ARHGAP27: variants seen among roughly 807,000 people sequenced by gnomAD.
ARHGAP27 encodes the protein rho GTPase-activating protein 27.
In ARHGAP27, 53 loss-of-function variants were observed where a neutral mutation model predicts 102.0. That is an observed-to-expected ratio of 0.52 (90% CI 0.42 to 0.65). The LOEUF is 0.65. ARHGAP27 is among the 30% of genes least tolerant of loss of function. ARHGAP27 has a pLI of 0.00. For synonymous variants in ARHGAP27, 525 were observed against 542.8 expected (o/e 0.97, Z 0.46); for missense variants, 1,117 against 1,256.2 (o/e 0.89, Z 1.68).
At chr17:45,426,869 G>A (rs548917543) in intron 4 of ARHGAP27, among the ~76,000 whole-genome samples, 77 of 152,192 alleles carry the variant, frequency 5.1e-4, no homozygotes, top group African/African-American at 1.6e-3. Context: ...GGTCACTTAG[G>A]GTAAGTGTTA....
At chr17:45,404,359 C>T in intron 8 of ARHGAP27, 25 bp from the exon 9 acceptor site, 2 of 1,613,892 alleles carry the variant, frequency 1.2e-6, no homozygotes, top group Non-Finnish European at 8.5e-7. Flanking sequence ...AGATAGATCC[C>T]ACCAAGTCCC....
At chr17:45,417,487 C>G (rs1181983137) in intron 4 of ARHGAP27, among the ~76,000 whole-genome samples, 1 of 151,354 alleles carries the variant, frequency 6.6e-6, no homozygotes, top group Non-Finnish European at 1.5e-5. Context: ...TTCTTTTTGT[C>G]TGGGCATGGT....
Position 45,396,707 on chromosome 17 carries a change from G to A in ARHGAP27, c.2035C>T (p.Pro679Ser). Residue 679 changes from proline (P) to serine (S), a missense_variant, in exon 15 of 20, where the codon CCC (proline) becomes TCC (serine). Coordinates refer to ENST00000685559, the MANE Select transcript of ARHGAP27 (RefSeq NM_001282290.2). ...HKLRKFLQRR[P>S]TLQSLREKGY... Reference sequence around the variant, plus strand: ...TTCTCCCGCAGCGACTGCAGTGTGGGCCGCCTCTGGAGGAACTTGCGGAGC... The same window carrying A: ...TTCTCCCGCAGCGACTGCAGTGTGGACCGCCTCTGGAGGAACTTGCGGAGC... 2 of 1,613,854 alleles carry A rather than the reference G, an allele frequency of 1.2e-6. No individual in the cohort carries two copies. The highest frequency in any genetic ancestry group is 1.7e-6 in the Non-Finnish European group (2 of 1,179,808).
intron 4 of ARHGAP27, among the ~76,000 whole-genome samples, chr17:45,411,350 C>A (rs1012725999): frequency 3.3e-4 from 50 of 152,108 alleles, no homozygotes; most frequent in African/African-American, 1.2e-3. Context: ...ACCAGCCCAC[C>A]CCTGCTGAAG....
At chr17:45,425,553 C>G in intron 4 of ARHGAP27, 1 of 985,330 alleles carries the variant, frequency 1.0e-6, no homozygotes, top group Non-Finnish European at 1.2e-6. Context: ...CCCCCAGGGG[C>G]GAGGACTCAC....
rs1220660781 is a variant in ARHGAP27 at position 45,406,066 on chromosome 17, C to T, written c.675G>A (p.Glu225=). 1 of 1,525,140 alleles carries T rather than the reference C, an allele frequency of 6.6e-7. No individual in the cohort carries two copies. The highest frequency in any genetic ancestry group is 1.4e-5 in the African/African-American group (1 of 72,694). 94.5% of individuals were successfully genotyped at this position (1,525,140 alleles called of 1,614,324 possible). A position where few individuals can be genotyped will look rare whatever the true frequency, so the allele number is the denominator to read the frequency against. The stretch of plus-strand genomic sequence containing the variant: ...GCCTCTCTATGTTCGCGTACACGGG[C>T]TCCGGTGGGTCGTCCACCTGCGGGA... ...ESAEQVDDPP[E]PVYANIERQP... Residue 225 remains glutamate (E), a synonymous_variant, in exon 5 of 20, where the codon GAG becomes GAA. Coordinates refer to ENST00000685559, the MANE Select transcript of ARHGAP27 (RefSeq NM_001282290.2).
chr17:45,408,879 A>C (rs1296599386), intron 4 of ARHGAP27: 2 of 152,244 alleles, frequency 1.3e-5, no homozygotes, highest in Non-Finnish European at 2.9e-5. Context: ...CCTCTGCCCC[A>C]AAAGGCAGGA....
intron 4 of ARHGAP27, among the ~76,000 whole-genome samples, chr17:45,411,795 TCA>T (rs3068161): frequency 6.0e-4 from 89 of 148,664 alleles, no homozygotes; most frequent in East Asian, 2.4e-3. Flanking sequence ...GGATGAGGAC[TCA>T]CACACACACA....
Position 45,430,348 on chromosome 17 carries a change from A to T in ARHGAP27, c.-18-51T>A, listed in dbSNP as rs1440683815. 2.7e-6 allele frequency: 4 copies of T among 1,507,016 alleles called. No homozygotes were observed. The East Asian group carries it at 1.0e-4, about 38-fold the overall frequency. The allele number at this position is 1,507,016 out of a possible 1,614,324, so 93.4% of individuals were successfully genotyped here. On this transcript the variant is annotated intron_variant, in intron 3 of 19. Coordinates refer to ENST00000685559, the MANE Select transcript of ARHGAP27 (RefSeq NM_001282290.2). The surrounding 1 kb of genome is among the most constrained non-coding windows in gnomAD (Gnocchi z 4.4). ...CGGAGGTCAAGACCACCGAGCCTGGAATAGCCCCGCACTCGGGGACAGACT... is the reference window on the plus strand; with the variant it reads ...CGGAGGTCAAGACCACCGAGCCTGGTATAGCCCCGCACTCGGGGACAGACT...
chr17:45,403,632 G>A lies in ARHGAP27; in HGVS notation c.1625C>T (p.Ala542Val), dbSNP rs1469766637. Residue 542 changes from alanine to valine, a missense_variant, in exon 11 of 20, where the codon GCT becomes GTT. Physicochemically the swap from Ala to Val is moderately conservative, Grantham distance 64. Transcript: ENST00000685559. ...GCCTGGCCTTACCAGGCCGCCTGCA[G>A]CCGAGGTCTTTGAGTCCTTGAAGAA... is the stretch of plus-strand genomic sequence containing the variant. Reference protein sequence around the residue: ...LTFFKDSKTSAAGGLRQPSKF... With the variant: ...LTFFKDSKTSVAGGLRQPSKF... 2.0e-5 allele frequency: 32 copies of A among 1,613,842 alleles called. No homozygotes were observed. Among genetic ancestry groups the A allele is most frequent in the Non-Finnish European group, 2.5e-5 (30 of 1,180,004 alleles).
chr17:45,417,885 C>G (rs1447954481), intron 4 of ARHGAP27, among the ~76,000 whole-genome samples: 1 of 151,900 alleles, frequency 6.6e-6, no homozygotes, highest in African/African-American at 2.4e-5. Flanking sequence ...AACCCCGTCT[C>G]TACTAAAAAT....
chr17:45,418,406 G>A (rs1465781163), intron 4 of ARHGAP27, among the ~76,000 whole-genome samples: 1 of 151,330 alleles, frequency 6.6e-6, no homozygotes, highest in Non-Finnish European at 1.5e-5. Flanking sequence ...GGAGGTTGAG[G>A]CTGCAGTGAG....
At position 45,395,741 on chromosome 17, in the gene ARHGAP27, C is replaced by T. The variant is rs1231856943; in HGVS notation, c.2492+3G>A. ...CCCTTCCCGCGCGGGCCGCCCGGCT[C>T]ACCGGCAGAGGTGCTGGAAGAGCAT... On this transcript the variant is annotated splice_donor_region_variant and intron_variant, in intron 19 of 19. Coordinates refer to ENST00000685559, the MANE Select transcript of ARHGAP27 (RefSeq NM_001282290.2). The T allele has an allele frequency of 1.6e-5, 25 of 1,590,120 alleles. No individual in the cohort carries two copies. Among genetic ancestry groups the T allele is most frequent in the Non-Finnish European group, 2.0e-5 (24 of 1,172,432 alleles).
At chr17:45,410,063 C>G (rs1937914712) in intron 4 of ARHGAP27, 1 of 862,196 alleles carries the variant, frequency 1.2e-6, no homozygotes, top group East Asian at 2.9e-5. Context: ...CACTCTTGCC[C>G]CAAGCTGACC....
At chr17:45,406,110 G>T in intron 4 of ARHGAP27, 27 bp from the exon 5 acceptor site, 10 of 1,491,398 alleles carry the variant, frequency 6.7e-6, no homozygotes, top group Non-Finnish European at 8.9e-6. Context: ...GAGGAATTTT[G>T]TGTTTTCAGA....
intron 3 of ARHGAP27, among the ~76,000 whole-genome samples, chr17:45,431,415 A>G (rs1358155192): frequency 1.3e-5 from 2 of 152,240 alleles, no homozygotes; most frequent in African/African-American, 2.4e-5. Context: ...TTGCCGAGGC[A>G]GAGGAGCAGG....
intron 4 of ARHGAP27, among the ~76,000 whole-genome samples, chr17:45,417,984 C>T (rs184671926): frequency 2.0e-5 from 3 of 146,572 alleles, no homozygotes; most frequent in Non-Finnish European, 3.0e-5. Flanking sequence ...AACTCGGGAG[C>T]GGAGATCGTG....
At position 45,396,581 on chromosome 17, in the gene ARHGAP27, C is replaced by T; in HGVS notation, c.2079G>A (p.Gln693=). ...SLREKGYIKD[Q]VFGCALAALC... is the part of the protein sequence containing the mutation. ...GCGCGGCCAGCGCGCAGCCGAACAC[C>T]TGGTCTAGGGCAGAGGCTCATCAGC... The change falls in exon 16 of 20, where the codon CAG becomes CAA. Residue 693 remains glutamine, a synonymous_variant. Coordinates refer to ENST00000685559, the MANE Select transcript of ARHGAP27 (RefSeq NM_001282290.2). 6.2e-7 allele frequency: 1 copy of T among 1,608,138 alleles called. No homozygotes were observed. Among genetic ancestry groups the T allele is most frequent in the Non-Finnish European group, 8.5e-7 (1 of 1,178,372 alleles).
Position 45,405,723 on chromosome 17 carries a change from ACTC to A in ARHGAP27, c.1015_1017del (p.Glu339del), listed in dbSNP as rs1307930938. On this transcript the variant is annotated inframe_deletion, in exon 5 of 20. Coordinates refer to ENST00000685559, the MANE Select transcript of ARHGAP27 (RefSeq NM_001282290.2). ...GGGCTCAGGCCCGGCTGCATCTCCA[ACTC>A]CTCCTCGGGCTCGTTCTCGGCCTCG... 1.9e-6 allele frequency: 3 copies of A among 1,602,712 alleles called. No homozygotes were observed. The highest frequency in any genetic ancestry group is 4.5e-5 in the East Asian group (2 of 44,846).
Sources: gnomAD v4.1 joint callset for allele counts (sites outside exome capture counted in the v4.1 genomes callset) on GRCh38, gnomAD v4.1.1 for gene constraint, Gnocchi (gnomAD v3.1) non-coding constraint, MANE v1.5 for transcripts, NCBI Gene and HGNC (gene_info 2026-07-23, HGNC 2026-07-21) for gene names.